NLN: variants seen among roughly 807,000 people sequenced by gnomAD.
NLN encodes neurolysin.
Under a neutral mutation model 79.9 loss-of-function variants are expected in NLN, and 64 were observed. That is an observed-to-expected ratio of 0.80 (90% CI 0.65 to 0.99). The LOEUF (loss-of-function observed/expected upper bound fraction) is 0.99. Among genes scored for constraint, NLN ranks in the 50% least tolerant of loss-of-function variants. NLN has a pLI of 0.00. For synonymous variants in NLN, 267 were observed against 296.6 expected (o/e 0.90, Z 1.02); for missense variants, 835 against 858.7 (o/e 0.97, Z 0.34).
intron 12 of NLN, among the ~76,000 whole-genome samples, chr5:65,816,944 A>G (rs764559550): frequency 5.9e-4 from 89 of 152,120 alleles, no homozygotes; most frequent in Non-Finnish European, 1.1e-3. Context: ...CTAAGAAACC[A>G]CATGTTGTTG....
At chr5:65,801,076 TTG>T (rs1391988127) in intron 9 of NLN, among the ~76,000 whole-genome samples, 1 of 152,188 alleles carries the variant, frequency 6.6e-6, no homozygotes, top group Non-Finnish European at 1.5e-5. Flanking sequence ...TTCTAGGCTT[TTG>T]TTATCTAAAT....
rs1298069292 is a variant in NLN at position 65,824,755 on chromosome 5, TTC to T, written c.*1842_*1843del. 1.3e-5 allele frequency: 2 copies of T among 152,224 alleles called. No individual in the cohort carries two copies. Among genetic ancestry groups the T allele is most frequent in the Non-Finnish European group, 2.9e-5 (2 of 68,036 alleles). The allele number at this position is 152,224 out of a possible 1,614,324, so 9.4% of individuals were successfully genotyped here. A position where few individuals can be genotyped will look rare whatever the true frequency, so the allele number is the denominator to read the frequency against. On this transcript the variant is annotated 3_prime_UTR_variant, in exon 13 of 13. Transcript: ENST00000380985. ...GCATGAGAGCAAAAGCACCATGGTG[TTC>T]TTTCTATTTAGGGCCTACCTCTAAT...
chr5:65,755,968 A>G (rs1373399420), intron 1 of NLN, among the ~76,000 whole-genome samples: 1 of 152,068 alleles, frequency 6.6e-6, no homozygotes, highest in Non-Finnish European at 1.5e-5. Flanking sequence ...TTATTCCTCC[A>G]TCATAGTAGT....
At chr5:65,795,743 A>G (rs1274560080) in intron 9 of NLN, among the ~76,000 whole-genome samples, 7 of 152,220 alleles carry the variant, frequency 4.6e-5, no homozygotes, top group African/African-American at 1.7e-4. Context: ...TGAAATATTT[A>G]TCGTGTGGAC....
At chr5:65,812,522 T>TCAAA (rs1490159655) in intron 12 of NLN, 131 bp downstream of exon 12, 2 of 625,600 alleles carry the variant, frequency 3.2e-6, no homozygotes, top group East Asian at 5.4e-5. Flanking sequence ...TCTGAGGCCC[T>TCAAA]GCATCTTTCA....
intron 1 of NLN, among the ~76,000 whole-genome samples, chr5:65,744,624 CA>C (rs1228446474): frequency 6.6e-6 from 1 of 152,116 alleles, no homozygotes; most frequent in Non-Finnish European, 1.5e-5. Flanking sequence ...TGAGGCTGGG[CA>C]CAGTGGCTCA....
At chr5:65,783,825 CTAAT>C (rs1019582576) in intron 6 of NLN, among the ~76,000 whole-genome samples, 1 of 151,908 alleles carries the variant, frequency 6.6e-6, no homozygotes, top group African/African-American at 2.4e-5. Context: ...AAAGAAAAAT[CTAAT>C]TAAACTATTT....
intron 3 of NLN, among the ~76,000 whole-genome samples, chr5:65,764,339 CAA>C (rs1759405117): frequency 6.6e-6 from 1 of 152,098 alleles, no homozygotes; most frequent in South Asian, 2.1e-4. Context: ...CCAGCCTGGC[CAA>C]CATGGTGAAA....
intron 1 of NLN, among the ~76,000 whole-genome samples, chr5:65,751,064 C>T (rs1759091505): frequency 6.6e-6 from 1 of 152,158 alleles, no homozygotes; most frequent in Admixed American, 6.5e-5. Flanking sequence ...GAATTCCGGT[C>T]TTGTGGGGAG....
chr5:65,785,821 T>G lies in NLN; in HGVS notation c.869T>G (p.Val290Gly). 6.2e-7 allele frequency: 1 copy of G among 1,613,840 alleles called. No homozygotes were observed. The highest frequency in any genetic ancestry group is 2.2e-5 in the East Asian group (1 of 44,870). ...LQQLLPLRTK[V>G]AKLLGYSTHA... is the part of the protein sequence containing the mutation. ...CAGCTACTCCCACTGCGAACCAAGG[T>G]GGCCAAACTACTCGGTTATAGCACA... The change falls in exon 7 of 13, where the codon GTG becomes GGG. Residue 290 changes from valine (V) to glycine (G), a missense_variant. Physicochemically the swap from Val to Gly is moderately radical, Grantham distance 109 (BLOSUM62 -3). Coordinates refer to ENST00000380985, the MANE Select transcript of NLN (RefSeq NM_020726.5).
At chr5:65,766,813 A>G (rs1448810817) in intron 3 of NLN, among the ~76,000 whole-genome samples, 1 of 152,254 alleles carries the variant, frequency 6.6e-6, no homozygotes, top group East Asian at 1.9e-4. Context: ...TTCACATTCC[A>G]AATGGGAGAA....
At chr5:65,802,885 G>A (rs10061096) in intron 9 of NLN, among the ~76,000 whole-genome samples, 25,109 of 151,946 alleles carry the variant, frequency 0.17, 2,443 homozygotes, top group African/African-American at 0.27. Context: ...GTTCCTCTCC[G>A]CAGCTGGTTT....
Position 65,816,657 on chromosome 5 carries a change from T to C in NLN, c.1980+4266T>C, listed in dbSNP as rs556500196. On this transcript the variant is annotated intron_variant, in intron 12 of 12. Coordinates refer to ENST00000380985, the MANE Select transcript of NLN (RefSeq NM_020726.5). ...CTGAGAAAGATGGCATTATCTTGAGTTGTTCCAAACTCGGTGCATTTGCTT... is the reference window on the plus strand; with the variant it reads ...CTGAGAAAGATGGCATTATCTTGAGCTGTTCCAAACTCGGTGCATTTGCTT... 3.9e-5 allele frequency among the ~76,000 whole-genome samples: 6 copies of C among 152,234 alleles called. No homozygotes were observed. In the South Asian group the frequency reaches 1.2e-3, roughly 32 times the overall value.
chr5:65,742,847 A>C (rs1758901446), intron 1 of NLN, among the ~76,000 whole-genome samples: 1 of 151,346 alleles, frequency 6.6e-6, no homozygotes, highest in Non-Finnish European at 1.5e-5. Flanking sequence ...TTCTTCAACA[A>C]CTCTGTTGTT....
intron 12 of NLN, among the ~76,000 whole-genome samples, chr5:65,813,129 G>A (rs1760590848): frequency 6.6e-6 from 1 of 152,102 alleles, no homozygotes; most frequent in African/African-American, 2.4e-5. Flanking sequence ...TTCTCCAAAT[G>A]TTTTTTCTAG....
At chr5:65,803,501 C>A (rs1470633501) in intron 9 of NLN, among the ~76,000 whole-genome samples, 1 of 152,168 alleles carries the variant, frequency 6.6e-6, no homozygotes, top group Admixed American at 6.5e-5. Context: ...GAGCAGGTGC[C>A]GCTAATGGGT....
intron 11 of NLN, among the ~76,000 whole-genome samples, chr5:65,810,918 G>A (rs996957346): frequency 2.0e-5 from 3 of 152,134 alleles, no homozygotes; most frequent in African/African-American, 7.2e-5. Flanking sequence ...GGTTAAGCCT[G>A]CAGCGAGCCA....
intron 1 of NLN, among the ~76,000 whole-genome samples, chr5:65,731,222 G>A (rs920399642): frequency 1.3e-5 from 2 of 152,192 alleles, no homozygotes; most frequent in Non-Finnish European, 2.9e-5. Context: ...CCATGAGAGA[G>A]TGGAAGGCAG....
chr5:65,775,983 T>G (rs1441626268), intron 3 of NLN, among the ~76,000 whole-genome samples: 2 of 152,220 alleles, frequency 1.3e-5, no homozygotes, highest in African/African-American at 4.8e-5. Flanking sequence ...CCAGGCATGG[T>G]CACTCAAACC....
Sources: gnomAD v4.1 joint callset for allele counts (sites outside exome capture counted in the v4.1 genomes callset) on GRCh38, gnomAD v4.1.1 for gene constraint, MANE v1.5 for transcripts, NCBI Gene and HGNC (gene_info 2026-07-23, HGNC 2026-07-21) for gene names.